Variants in UBE2D3 observed in about 807,000 individuals in gnomAD.
The protein encoded by UBE2D3 is ubiquitin conjugating enzyme E2 D3.
A neutral mutation model predicts 22.8 loss-of-function variants in UBE2D3; 2 were observed. The ratio of observed to expected loss-of-function variants is 0.09; its 90% CI spans 0.04 to 0.28. The LOEUF is 0.28. Among genes scored for constraint, UBE2D3 ranks in the 10% least tolerant of loss-of-function variants. The pLI is 1.00. For synonymous variants in UBE2D3, 56 were observed against 60.4 expected (o/e 0.93, Z 0.34); for missense variants, 27 against 182.5 (o/e 0.15, Z 4.91).
chr4:102,799,521 C>T (rs1376079757), intron 6 of UBE2D3, 21 bp from the exon 7 acceptor site: 3 of 1,581,948 alleles, frequency 1.9e-6, no homozygotes, highest in African/African-American at 1.4e-5. Context: ...ACAAAAACAT[C>T]TGTTACCCAG....
At chr4:102,825,718 G>C in intron 2 of UBE2D3, 1 of 562,702 alleles carries the variant, frequency 1.8e-6, no homozygotes, top group South Asian at 1.5e-5. Flanking sequence ...GCAAAAATAG[G>C]TACATTAGCT....
chr4:102,811,705 C>T (rs572197781), intron 2 of UBE2D3: 10 of 403,464 alleles, frequency 2.5e-5, no homozygotes, highest in African/African-American at 4.3e-5. Context: ...AAAAGCTGAA[C>T]GTACTCATAT....
intron 6 of UBE2D3, among the ~76,000 whole-genome samples, chr4:102,799,702 G>A (rs1286174230): frequency 2.6e-5 from 4 of 151,780 alleles, no homozygotes; most frequent in Non-Finnish European, 5.9e-5. Flanking sequence ...ACAGGGTTTT[G>A]TGGCATGAAA....
At chr4:102,798,984 G>C in intron 7 of UBE2D3, 1 of 1,608,810 alleles carries the variant, frequency 6.2e-7, no homozygotes, top group South Asian at 1.1e-5. Flanking sequence ...GTACCTAATT[G>C]AACAAGTACA....
At chr4:102,834,977 C>A (rs1578280704) in intron 1 of UBE2D3, among the ~76,000 whole-genome samples, 1 of 152,176 alleles carries the variant, frequency 6.6e-6, no homozygotes, top group Non-Finnish European at 1.5e-5. Flanking sequence ...ATTCTTTCCC[C>A]TTTTCCATCC....
chr4:102,850,205 G>A (rs1174729374), intron 1 of UBE2D3, among the ~76,000 whole-genome samples: 16 of 152,150 alleles, frequency 1.1e-4, no homozygotes, highest in Admixed American at 3.9e-4. Context: ...CAAAAATGAT[G>A]TATGGTTAGA....
intron 1 of UBE2D3, chr4:102,844,085 T>G (rs1222381756): frequency 6.6e-6 from 1 of 152,208 alleles, no homozygotes; most frequent in East Asian, 1.9e-4. Context: ...AATTAAAGTT[T>G]GCAGTCCACT....
intron 2 of UBE2D3, among the ~76,000 whole-genome samples, chr4:102,813,902 C>G (rs989274463): frequency 5.3e-5 from 8 of 152,130 alleles, no homozygotes; most frequent in Admixed American, 2.0e-4. Context: ...TGCCATAAAA[C>G]AAACAACAAA....
chr4:102,862,967 C>A (rs1041618906), intron 1 of UBE2D3, among the ~76,000 whole-genome samples: 3 of 152,064 alleles, frequency 2.0e-5, no homozygotes, highest in African/African-American at 7.2e-5. Flanking sequence ...CAAGAGGAAC[C>A]CATGAATACA....
At chr4:102,841,208 C>T (rs188836536) in intron 1 of UBE2D3, among the ~76,000 whole-genome samples, 3 of 152,142 alleles carry the variant, frequency 2.0e-5, no homozygotes, top group Admixed American at 2.0e-4. Context: ...CAGGAGATAA[C>T]CTCTTTCTCT....
upstream of UBE2D3, among the ~76,000 whole-genome samples, chr4:102,829,011 A>G (rs1004578290): frequency 6.6e-5 from 10 of 152,230 alleles, no homozygotes; most frequent in Non-Finnish European, 8.8e-5. Context: ...TGTTGCAGAA[A>G]GTTTTACCTA....
At chr4:102,860,286 T>C (rs1020968917) in intron 1 of UBE2D3, among the ~76,000 whole-genome samples, 4 of 151,946 alleles carry the variant, frequency 2.6e-5, no homozygotes, top group African/African-American at 9.7e-5. Flanking sequence ...TCTGTTTCTT[T>C]GGGGTCAACT....
chr4:102,804,468 T>C (rs116458827), intron 4 of UBE2D3, among the ~76,000 whole-genome samples: 1,563 of 152,162 alleles, frequency 0.01, 34 homozygotes, highest in African/African-American at 0.035. Flanking sequence ...CTTTTTCATA[T>C]TTTCTACAAA....
At chr4:102,801,803 GC>G (rs1412618897) in intron 5 of UBE2D3, 7 of 304,656 alleles carry the variant, frequency 2.3e-5, no homozygotes, top group Admixed American at 9.3e-5. Flanking sequence ...GGTTACTGTG[GC>G]CCTACCATAT....
In UBE2D3 at chr4:102,796,537, T is replaced by C. The variant is rs2110236765; in HGVS notation, c.*878A>G. ...CCAACAGTATATACAAAAAACAGCTTTGCATTTACAAAAGATTGTTTCCCA... is the reference window on the plus strand; with the variant it reads ...CCAACAGTATATACAAAAAACAGCTCTGCATTTACAAAAGATTGTTTCCCA... On this transcript the variant is annotated 3_prime_UTR_variant, in exon 8 of 8. Transcript: ENST00000453744. 6.6e-6 allele frequency: 1 copy of C among 152,566 alleles called. No individual in the cohort carries two copies. The highest frequency in any genetic ancestry group is 1.9e-4 in the East Asian group (1 of 5,190). The allele number at this position is 152,566 out of a possible 1,614,324, so 9.5% of individuals were successfully genotyped here. A position where few individuals can be genotyped will look rare whatever the true frequency, so the allele number is the denominator to read the frequency against.
intron 1 of UBE2D3, among the ~76,000 whole-genome samples, chr4:102,847,786 G>C (rs1732114260): frequency 6.6e-6 from 1 of 152,028 alleles, no homozygotes; most frequent in African/African-American, 2.4e-5. Flanking sequence ...TGGGATAACA[G>C]GTGTGTGCCA....
chr4:102,818,248 T>C (rs1729059284), intron 2 of UBE2D3, among the ~76,000 whole-genome samples: 1 of 152,210 alleles, frequency 6.6e-6, no homozygotes, highest in Non-Finnish European at 1.5e-5. Context: ...GAAACTGTAC[T>C]AGCTATAAAA....
At chr4:102,837,287 T>A (rs757985251) in intron 1 of UBE2D3, among the ~76,000 whole-genome samples, 1 of 152,164 alleles carries the variant, frequency 6.6e-6, no homozygotes. Context: ...TTATTAAAAA[T>A]TATAGAAACT....
chr4:102,820,954 A>C (rs1729508498), intron 2 of UBE2D3, among the ~76,000 whole-genome samples: 1 of 152,218 alleles, frequency 6.6e-6, no homozygotes, highest in Non-Finnish European at 1.5e-5. Context: ...ACAATAGATT[A>C]TGTTGAAAGT....
Sources: gnomAD v4.1 joint callset for allele counts (sites outside exome capture counted in the v4.1 genomes callset) on GRCh38, gnomAD v4.1.1 for gene constraint, MANE v1.5 for transcripts, NCBI Gene and HGNC (gene_info 2026-07-23, HGNC 2026-07-21) for gene names.